Variants in DDTL observed in about 807,000 individuals in gnomAD.
DDTL encodes the protein D-dopachrome tautomerase like.
In DDTL, 1 loss-of-function variant was observed where a neutral mutation model predicts 1.1. The observed-to-expected ratio is 0.91, with a 90% CI of 0.32 to 4.31. The LOEUF (loss-of-function observed/expected upper bound fraction) is 4.31, where lower values mean the gene tolerates loss of function less well. Ranked by LOEUF, DDTL falls within the 30% of genes most tolerant of loss-of-function variation. The pLI, the probability that DDTL is intolerant of heterozygous loss-of-function variation, is 0.17. For missense variants in DDTL, 54 were observed against 48.9 expected, an observed-to-expected ratio of 1.10 and a Z score of -0.31; for synonymous variants, 21 against 16.6, an observed-to-expected ratio of 1.26 and a Z score of -0.64.
chr22:23,970,304 ATGTG>A (rs1174899636), intron 2 of DDTL, among the ~76,000 whole-genome samples: 2 of 152,018 alleles, frequency 1.3e-5, no homozygotes, highest in Non-Finnish European at 2.9e-5. Context: ...GTGGGTGTAT[ATGTG>A]TGTGATGTGA....
rs768309009 is a variant in DDTL at position 23,971,298 on chromosome 22, C to A, written c.297C>A (p.Val99=). ...CATCCCCCTCCAGGTTCCCTACGGT[C>A]TTATCCACCAGCCCTGCTGCCCATG... is the stretch of plus-strand genomic sequence containing the variant. ...LALGQDRFPT[V]LSTSPAAHGG... The change falls in exon 3 of 3, where the codon GTC becomes GTA. Residue 99 remains valine (V), a synonymous_variant. Transcript: ENST00000215770. 4 of 1,612,964 alleles carry A rather than the reference C, an allele frequency of 2.5e-6. No individual in the cohort carries two copies. In the African/African-American group the frequency reaches 5.3e-5, roughly 22 times the overall value.
At chr22:23,970,457 T>C (rs989863578) in intron 2 of DDTL, among the ~76,000 whole-genome samples, 1 of 151,192 alleles carries the variant, frequency 6.6e-6, no homozygotes, top group African/African-American at 2.4e-5. Flanking sequence ...TGACGGGGAG[T>C]ATGTGTGTGT....
At chr22:23,969,943 T>C (rs1201092660) in intron 2 of DDTL, 8 of 783,560 alleles carry the variant, frequency 1.0e-5, no homozygotes, top group East Asian at 1.3e-4. Flanking sequence ...TCGGCTGAAC[T>C]AACTGTGGTG....
At chr22:23,970,073 T>C (rs2033871346) in intron 2 of DDTL, among the ~76,000 whole-genome samples, 1 of 152,122 alleles carries the variant, frequency 6.6e-6, no homozygotes, top group Non-Finnish European at 1.5e-5. Context: ...AGGGAAGGGC[T>C]TGGGCTAGTG....
rs117545171 is a variant in DDTL at position 23,971,667 on chromosome 22, T to C, written c.*261T>C. 6,016 of 1,573,798 alleles carry C rather than the reference T, an allele frequency of 3.8e-3. 62 individuals carry two copies. The highest frequency in any genetic ancestry group is 0.036 in the East Asian group (1,594 of 44,554). Reference sequence around the variant, plus strand: ...AAGATATCATCAGCTCCTTGGCTAATACCACATCTTGCAAGACCCCTGCCA... The same window carrying C: ...AAGATATCATCAGCTCCTTGGCTAACACCACATCTTGCAAGACCCCTGCCA... On this transcript the variant is annotated 3_prime_UTR_variant, in exon 3 of 3. Transcript: ENST00000215770.
chr22:23,969,781 T>C, intron 2 of DDTL: 1 of 985,894 alleles, frequency 1.0e-6, no homozygotes, highest in Non-Finnish European at 1.2e-6. Flanking sequence ...TTTCCACCAC[T>C]GCACTCACTC....
At chr22:23,969,307 G>A (rs2033857457) in intron 2 of DDTL, 1 of 985,410 alleles carries the variant, frequency 1.0e-6, no homozygotes, top group Non-Finnish European at 1.2e-6. Flanking sequence ...GACATTAGTG[G>A]TGGGGGGGCC....
Position 23,970,624 on chromosome 22 carries a change from CAT to C in DDTL, c.285-661_285-660del, listed in dbSNP as rs1313464964. ...GTGACTGGGTGTATATGTGTGTGTA[CAT>C]GAGTTAACTGTGTGTAAATGGTATG... On this transcript the variant is annotated intron_variant, in intron 2 of 2. Coordinates refer to ENST00000215770, the MANE Select transcript of DDTL (RefSeq NM_001084393.2). Among the ~76,000 whole-genome samples the C allele has an allele frequency of 2.0e-5, 3 of 152,086 alleles. No individual in the cohort carries two copies. In the East Asian group the frequency reaches 5.8e-4, roughly 29 times the overall value.
Position 23,972,317 on chromosome 22 carries a change from G to C in DDTL, c.*911G>C. The C allele has an allele frequency of 1.3e-6, 1 of 749,082 alleles. No individual in the cohort carries two copies. Among genetic ancestry groups the C allele is most frequent in the Non-Finnish European group, 1.6e-6 (1 of 616,986 alleles). 46.4% of individuals were successfully genotyped at this position (749,082 alleles called of 1,614,324 possible). On this transcript the variant is annotated 3_prime_UTR_variant, in exon 3 of 3. Coordinates refer to ENST00000215770, the MANE Select transcript of DDTL (RefSeq NM_001084393.2). ...TATAACACTTGTTGTTAGAGTAACAGTTTTCCCTGAGTATCCGTGGGAGAT... is the reference window on the plus strand; with the variant it reads ...TATAACACTTGTTGTTAGAGTAACACTTTTCCCTGAGTATCCGTGGGAGAT...
chr22:23,970,459 T>C (rs1166736745), intron 2 of DDTL, among the ~76,000 whole-genome samples: 2 of 151,466 alleles, frequency 1.3e-5, no homozygotes, highest in Admixed American at 1.3e-4. Context: ...ACGGGGAGTA[T>C]GTGTGTGTGT....
intron 2 of DDTL, chr22:23,969,751 C>T (rs1011720622): frequency 4.2e-5 from 41 of 984,790 alleles, no homozygotes; most frequent in Non-Finnish European, 4.7e-5. Context: ...CCCAGGAGGT[C>T]GAGGCTGCAA....
chr22:23,971,612 C>G lies in DDTL; in HGVS notation c.*206C>G. 6.2e-7 allele frequency: 1 copy of G among 1,614,040 alleles called. No individual in the cohort carries two copies. The highest frequency in any genetic ancestry group is 8.5e-7 in the Non-Finnish European group (1 of 1,179,948). ...CTGCCAGGACTCCAAGGGGAAAAAG[C>G]GGATAAGTATCCTTCAGGAGACAGA... On this transcript the variant is annotated 3_prime_UTR_variant, in exon 3 of 3. Coordinates refer to ENST00000215770, the MANE Select transcript of DDTL (RefSeq NM_001084393.2).
At chr22:23,969,968 G>C in intron 2 of DDTL, 1 of 542,142 alleles carries the variant, frequency 1.8e-6, no homozygotes, top group Non-Finnish European at 2.4e-6. Flanking sequence ...TCATTGTTAA[G>C]CAGGGCCAGC....
intron 2 of DDTL, chr22:23,969,648 C>A (rs1405549794): frequency 1.0e-5 from 10 of 973,992 alleles, no homozygotes; most frequent in Non-Finnish European, 1.1e-5. Flanking sequence ...AAGTGCGACC[C>A]CATCTCTACA....
At position 23,972,051 on chromosome 22, in the gene DDTL, C is replaced by T. The variant is rs1350448281; in HGVS notation, c.*645C>T. On this transcript the variant is annotated 3_prime_UTR_variant, in exon 3 of 3. Coordinates refer to ENST00000215770, the MANE Select transcript of DDTL (RefSeq NM_001084393.2). ...AATGTCTGGGCCATAAGTGAACATG[C>T]CCCTCTCAGAGGTAACAGCAAGTTT... is the stretch of plus-strand genomic sequence containing the variant. 4 of 477,152 alleles carry T rather than the reference C, an allele frequency of 8.4e-6. No homozygotes were observed. The highest frequency in any genetic ancestry group is 6.3e-5 in the African/African-American group (3 of 47,422). The allele number at this position is 477,152 out of a possible 1,614,324, so 29.6% of individuals were successfully genotyped here.
rs2033926258 is a variant in DDTL, at chr22:23,972,496, A to G, written c.*1090A>G. On this transcript the variant is annotated 3_prime_UTR_variant, in exon 3 of 3. Coordinates refer to ENST00000215770, the MANE Select transcript of DDTL (RefSeq NM_001084393.2). Reference sequence around the variant, plus strand: ...TAATACCTAATATAATGTACGTACTATGTAAATAGTTGTATTGTTTAGGGA... The same window carrying G: ...TAATACCTAATATAATGTACGTACTGTGTAAATAGTTGTATTGTTTAGGGA... 6.0e-6 allele frequency: 1 copy of G among 166,116 alleles called. No homozygotes were observed. Among genetic ancestry groups the G allele is most frequent in the African/African-American group, 2.4e-5 (1 of 41,130 alleles). 10.3% of individuals were successfully genotyped at this position (166,116 alleles called of 1,614,324 possible). A position where few individuals can be genotyped will look rare whatever the true frequency, so the allele number is the denominator to read the frequency against.
chr22:23,970,440 C>A (rs57389743), intron 2 of DDTL, among the ~76,000 whole-genome samples: 1 of 151,556 alleles, frequency 6.6e-6, no homozygotes, highest in South Asian at 2.1e-4. Flanking sequence ...AATTGTGTGC[C>A]TGTGTGTGAC....
chr22:23,970,495 T>C (rs924610310), intron 2 of DDTL, among the ~76,000 whole-genome samples: 4 of 151,386 alleles, frequency 2.6e-5, no homozygotes, highest in Non-Finnish European at 5.9e-5. Context: ...TGACTATGAA[T>C]GTCAGTGAAT....
intron 2 of DDTL, chr22:23,969,041 T>TA (rs1031197587): frequency 2.2e-6 from 1 of 444,778 alleles, no homozygotes; most frequent in African/African-American, 4.0e-5. Flanking sequence ...GTTATACACT[T>TA]ACCATGTGCT....
Sources: allele counts gnomAD v4.1 joint callset (sites outside exome capture counted in the v4.1 genomes callset), GRCh38; gene constraint gnomAD v4.1.1; transcripts MANE v1.5; gene names NCBI Gene and HGNC (gene_info 2026-07-23, HGNC 2026-07-21).